Variants in FRAS1 observed in about 807,000 individuals in gnomAD.
The protein encoded by FRAS1 is extracellular matrix organizing protein FRAS1.
Under a neutral mutation model 435.2 loss-of-function variants are expected in FRAS1, and 290 were observed. The ratio of observed to expected loss-of-function variants is 0.67; its 90% CI spans 0.61 to 0.73. FRAS1 has a LOEUF of 0.73. Among genes scored for constraint, FRAS1 ranks in the 30% least tolerant of loss-of-function variants. The pLI is 0.00. For synonymous variants in FRAS1, 1,800 were observed against 1,851.0 expected (o/e 0.97, Z 0.71); for missense variants, 4,860 against 5,001.5 (o/e 0.97, Z 0.85).
intron 5 of FRAS1, among the ~76,000 whole-genome samples, chr4:78,254,604 C>T (rs927574223): frequency 1.4e-4 from 22 of 152,072 alleles, no homozygotes; most frequent in Admixed American, 1.3e-4. Context: ...TTCTTAAGTC[C>T]TAAGAGGCCT....
chr4:78,257,344 A>G (rs1224904304), intron 6 of FRAS1, among the ~76,000 whole-genome samples: 2 of 152,204 alleles, frequency 1.3e-5, no homozygotes, highest in African/African-American at 4.8e-5. Flanking sequence ...TACCAAGGCC[A>G]TGATTACTTT....
intron 9 of FRAS1, among the ~76,000 whole-genome samples, chr4:78,268,976 T>G (rs1008561541): frequency 2.0e-5 from 3 of 152,234 alleles, no homozygotes; most frequent in African/African-American, 4.8e-5. Flanking sequence ...TTTAACCAGC[T>G]AAATTGTTTT....
intron 16 of FRAS1, among the ~76,000 whole-genome samples, chr4:78,316,123 A>G (rs1729235990): frequency 6.6e-6 from 1 of 152,236 alleles, no homozygotes; most frequent in African/African-American, 2.4e-5. Flanking sequence ...ATAAAATTAA[A>G]AAGTTAAACC....
chr4:78,335,261 T>A (rs1730127679), intron 19 of FRAS1, among the ~76,000 whole-genome samples: 2 of 152,196 alleles, frequency 1.3e-5, no homozygotes, highest in South Asian at 4.1e-4. Flanking sequence ...TTTCTTCAGA[T>A]CCTGCAGGTG....
chr4:78,430,385 A>G lies in FRAS1; in HGVS notation c.4937A>G (p.His1646Arg). 1.2e-6 allele frequency: 2 copies of G among 1,613,764 alleles called. No individual in the cohort carries two copies. Among genetic ancestry groups the G allele is most frequent in the East Asian group, 2.2e-5 (1 of 44,870 alleles). Residue 1646 changes from histidine (H) to arginine (R), a missense_variant, in exon 37 of 74, where the codon CAT becomes CGT. Transcript: ENST00000512123. ...RPPQHGVLLK[H>R]TAEFRRPMAT... ...CCACAGCATGGTGTGCTTCTTAAGCATACAGCTGAGTTCCGAAGGCCGATG... is the reference window on the plus strand; with the variant it reads ...CCACAGCATGGTGTGCTTCTTAAGCGTACAGCTGAGTTCCGAAGGCCGATG...
chr4:78,255,429 G>C, intron 6 of FRAS1, 54 bp downstream of exon 6: 1 of 1,507,892 alleles, frequency 6.6e-7, no homozygotes, highest in Non-Finnish European at 8.9e-7. Flanking sequence ...AGAACTTGGA[G>C]TCTCTTCTGA....
chr4:78,081,830 C>T (rs1406686073), intron 2 of FRAS1, among the ~76,000 whole-genome samples: 2 of 152,092 alleles, frequency 1.3e-5, no homozygotes, highest in African/African-American at 4.8e-5. Flanking sequence ...TTTCCTCCTC[C>T]CTCCTTTCTC....
intron 2 of FRAS1, among the ~76,000 whole-genome samples, chr4:78,222,079 C>CT (rs1424234466): frequency 1.3e-5 from 2 of 152,078 alleles, no homozygotes; most frequent in Non-Finnish European, 2.9e-5. Context: ...CTCTGCCCCC[C>CT]TGGAGCTCTG....
intron 14 of FRAS1, among the ~76,000 whole-genome samples, chr4:78,297,633 T>C (rs534950958): frequency 6.6e-6 from 1 of 152,306 alleles, no homozygotes; most frequent in Admixed American, 6.5e-5. Flanking sequence ...TCCAGAAAAG[T>C]CAGGGACCTT....
chr4:78,143,033 A>G (rs1462028935), intron 2 of FRAS1, among the ~76,000 whole-genome samples: 1 of 152,192 alleles, frequency 6.6e-6, no homozygotes, highest in African/African-American at 2.4e-5. Flanking sequence ...TACATATAAA[A>G]TAGTCAAGCT....
intron 1 of FRAS1, 55 bp downstream of exon 1, chr4:78,058,140 ATGTG>A (rs1413845442): frequency 5.7e-6 from 8 of 1,402,766 alleles, no homozygotes; most frequent in South Asian, 1.3e-5. Flanking sequence ...GTGTGTGTGT[ATGTG>A]TGAGTGATCG....
chr4:78,490,891 C>T (rs1720329042), intron 59 of FRAS1, among the ~76,000 whole-genome samples: 1 of 150,756 alleles, frequency 6.6e-6, no homozygotes, highest in Admixed American at 6.6e-5. Flanking sequence ...AAAGATTAAC[C>T]AAATAGATAG....
chr4:78,410,589 G>T (rs1182448861), intron 31 of FRAS1, among the ~76,000 whole-genome samples: 2 of 152,110 alleles, frequency 1.3e-5, no homozygotes, highest in Non-Finnish European at 2.9e-5. Flanking sequence ...TTCAAAGTGA[G>T]ATATTCTTTA....
chr4:78,065,533 T>G (rs1739991026), intron 1 of FRAS1, among the ~76,000 whole-genome samples: 1 of 152,058 alleles, frequency 6.6e-6, no homozygotes, highest in Admixed American at 6.5e-5. Context: ...ACATCTCCTG[T>G]AGAAAATGAA....
intron 2 of FRAS1, among the ~76,000 whole-genome samples, chr4:78,152,986 C>A (rs1301767551): frequency 1.3e-5 from 2 of 152,058 alleles, no homozygotes; most frequent in African/African-American, 4.8e-5. Flanking sequence ...GCGACCTGGC[C>A]TGAGCTTGAG....
intron 59 of FRAS1, among the ~76,000 whole-genome samples, chr4:78,492,854 A>G (rs1180983501): frequency 6.6e-6 from 1 of 152,226 alleles, no homozygotes; most frequent in Non-Finnish European, 1.5e-5. Context: ...AGAAACTATC[A>G]TCAGAGTGAA....
At chr4:78,486,272 CAG>C (rs1173137419) in intron 58 of FRAS1, among the ~76,000 whole-genome samples, 1 of 152,186 alleles carries the variant, frequency 6.6e-6, no homozygotes, top group Non-Finnish European at 1.5e-5. Flanking sequence ...AGCGAGGTAA[CAG>C]TGTTTATAGG....
intron 4 of FRAS1, among the ~76,000 whole-genome samples, chr4:78,252,180 G>C (rs539597780): frequency 6.6e-6 from 1 of 151,724 alleles, no homozygotes; most frequent in Non-Finnish European, 1.5e-5. Flanking sequence ...AAAAATCTTC[G>C]CGGTAATAGA....
chr4:78,466,281 A>G lies in FRAS1; in HGVS notation c.7103A>G (p.His2368Arg), dbSNP rs1411758936. 35 of 1,613,782 alleles carry G rather than the reference A, an allele frequency of 2.2e-5. No individual in the cohort carries two copies. Among genetic ancestry groups the G allele is most frequent in the Middle Eastern group, 1.6e-4 (1 of 6,080 alleles). Reference protein sequence around the residue: ...GTIERTSNGQHFHLTSTFTMK... With the variant: ...GTIERTSNGQRFHLTSTFTMK... ...ATCGAGCGAACCAGCAATGGGCAGC[A>G]TTTCCACCTCACCTCCACCTTCACC... Residue 2368 changes from histidine to arginine, a missense_variant, in exon 50 of 74, where the codon CAT becomes CGT. By Grantham distance (29) the His-to-Arg change is conservative. Transcript: ENST00000512123.
Sources: gnomAD v4.1 joint callset for allele counts (sites outside exome capture counted in the v4.1 genomes callset) on GRCh38, gnomAD v4.1.1 for gene constraint, MANE v1.5 for transcripts, NCBI Gene and HGNC (gene_info 2026-07-23, HGNC 2026-07-21) for gene names.